The following CLEC18A variants were observed in gnomAD, a reference collection of about 807,000 sequenced individuals.
The protein encoded by CLEC18A is mannose receptor-like 1.
A neutral mutation model predicts 24.0 loss-of-function variants in CLEC18A; 5 were observed. The observed-to-expected ratio is 0.21, with a 90% CI of 0.11 to 0.44. The LOEUF (loss-of-function observed/expected upper bound fraction) is 0.44, where lower values mean the gene tolerates loss of function less well. CLEC18A is among the 20% of genes least tolerant of loss of function. CLEC18A has a pLI of 0.99. For synonymous variants in CLEC18A, 29 were observed against 100.1 expected (o/e 0.29, Z 4.24); for missense variants, 83 against 233.4 (o/e 0.36, Z 4.20).
chr16:69,944,492 G>T, the CLEC18A span, among the ~76,000 whole-genome samples: 1 of 150,692 alleles, frequency 6.6e-6, no homozygotes, highest in Non-Finnish European at 1.5e-5. Flanking sequence ...TTGCACCTAT[G>T]AATAGCCACT....
the CLEC18A span, among the ~76,000 whole-genome samples, chr16:69,944,531 C>A: frequency 6.6e-6 from 1 of 151,800 alleles, no homozygotes; most frequent in Non-Finnish European, 1.5e-5. Flanking sequence ...CAGAGTGAGA[C>A]CCCTATCTAA....
upstream of CLEC18A, among the ~76,000 whole-genome samples, chr16:69,950,470 G>A (rs1310453740): frequency 8.9e-6 from 1 of 112,606 alleles, no homozygotes; most frequent in Non-Finnish European, 2.1e-5. Context: ...GTGGGATCAC[G>A]CCAGCCACGG....
chr16:69,954,383 G>C lies in CLEC18A; in HGVS notation c.266G>C (p.Cys89Ser). Reference protein sequence around the residue: ...AQLAQARAALCGTPTPSLASG... With the variant: ...AQLAQARAALSGTPTPSLASG... ...CTGGCTCAAGCCAGGGCAGCCCTCT[G>C]TGGAACCCCAACCCCGAGCCTGGCG... Residue 89 changes from cysteine (C) to serine (S), a missense_variant, in exon 3 of 12, where the codon TGT becomes TCT. Physicochemically the swap from Cys to Ser is moderately radical, Grantham distance 112. Around this residue, in one of 3 missense-constraint regions of CLEC18A, gnomAD observed 71 missense variants for 107.4 expected, o/e 0.66. Coordinates refer to ENST00000288040, the MANE Select transcript of CLEC18A (RefSeq NM_001370523.4). 1.2e-6 allele frequency: 2 copies of C among 1,609,346 alleles called. No homozygotes were observed. Among genetic ancestry groups the C allele is most frequent in the Non-Finnish European group, 1.7e-6 (2 of 1,178,456 alleles).
At chr16:69,946,392 ATT>A (rs56112480), upstream of CLEC18A, among the ~76,000 whole-genome samples, 3 of 84,062 alleles carry the variant, frequency 3.6e-5, no homozygotes, top group African/African-American at 8.0e-5. Flanking sequence ...ATGTGTATGG[ATT>A]TTTTTTTTTT....
chr16:69,944,613 G>A, the CLEC18A span, among the ~76,000 whole-genome samples: 1 of 151,974 alleles, frequency 6.6e-6, no homozygotes, highest in Admixed American at 6.6e-5. Context: ...GCCAAGGCAG[G>A]TGGATCACAA....
chr16:69,944,372 A>C, the CLEC18A span, among the ~76,000 whole-genome samples: 1 of 152,028 alleles, frequency 6.6e-6, no homozygotes, highest in Non-Finnish European at 1.5e-5. Context: ...CCAGCTTTTG[A>C]AACTGAAGTG....
the CLEC18A span, among the ~76,000 whole-genome samples, chr16:69,944,381 T>C: frequency 6.6e-6 from 1 of 152,008 alleles, no homozygotes; most frequent in African/African-American, 2.4e-5. Context: ...GAAACTGAAG[T>C]GTAGCAGAGT....
chr16:69,958,793 T>C (rs1269886429), intron 3 of CLEC18A, 149 bp from the exon 4 acceptor site: 58 of 313,690 alleles, frequency 1.8e-4, no homozygotes, highest in Non-Finnish European at 2.6e-4. Context: ...TTCCCACCCA[T>C]GCTTCTACCC....
downstream of CLEC18A, among the ~76,000 whole-genome samples, chr16:69,965,644 G>A (rs1181908975): frequency 4.1e-5 from 6 of 147,800 alleles, no homozygotes; most frequent in African/African-American, 7.6e-5. Flanking sequence ...GGGACGACCT[G>A]CTCCCGAGGG....
chr16:69,966,233 A>G (rs879112526), downstream of CLEC18A, among the ~76,000 whole-genome samples: 212 of 150,214 alleles, frequency 1.4e-3, no homozygotes, highest in African/African-American at 3.5e-3. Context: ...AGGGCAGTGG[A>G]CATTGGATCT....
At chr16:69,958,763 AAAT>A (rs2059062229) in intron 3 of CLEC18A, among the ~76,000 whole-genome samples, 176 bp from the exon 4 acceptor site, 3 of 131,806 alleles carry the variant, frequency 2.3e-5, no homozygotes, top group South Asian at 2.6e-4. Flanking sequence ...ATAAATAAAT[AAAT>A]AAGCCTTCCT....
chr16:69,945,685 G>C, the CLEC18A span, among the ~76,000 whole-genome samples: 1 of 152,280 alleles, frequency 6.6e-6, no homozygotes, highest in Non-Finnish European at 1.5e-5. Flanking sequence ...AAATCTTTTG[G>C]AAGTTTGATG....
At chr16:69,953,106 T>A (rs1490150216) in intron 2 of CLEC18A, 2 of 151,932 alleles carry the variant, frequency 1.3e-5, no homozygotes, top group African/African-American at 4.9e-5. Context: ...TTTGTCAAAG[T>A]CCTAGAAAAC....
chr16:69,945,387 T>C, the CLEC18A span, among the ~76,000 whole-genome samples: 1 of 152,250 alleles, frequency 6.6e-6, no homozygotes, highest in Non-Finnish European at 1.5e-5. Context: ...TAGATGTGAT[T>C]ACTAGAAGTT....
intron 3 of CLEC18A, among the ~76,000 whole-genome samples, chr16:69,955,510 C>G (rs2059022570): frequency 6.6e-6 from 1 of 151,126 alleles, no homozygotes. Flanking sequence ...GCCACCACAC[C>G]CCACTAATTT....
intron 3 of CLEC18A, among the ~76,000 whole-genome samples, chr16:69,955,979 C>A (rs1397212958): frequency 2.6e-5 from 4 of 152,006 alleles, no homozygotes; most frequent in African/African-American, 9.7e-5. Context: ...GGTGCGGTGG[C>A]TCACGCCCGT....
At chr16:69,965,028 C>T, downstream of CLEC18A, among the ~76,000 whole-genome samples, 1 of 151,712 alleles carries the variant, frequency 6.6e-6, no homozygotes, top group Non-Finnish European at 1.5e-5. Flanking sequence ...TCTCGAACTC[C>T]CGTGCTCAAG....
upstream of CLEC18A, among the ~76,000 whole-genome samples, chr16:69,946,191 G>T (rs58143854): frequency 0.74 from 66,117 of 88,924 alleles, 25,921 homozygotes; most frequent in East Asian, 0.95. Context: ...GGAGAATCAC[G>T]TGAACCCAGG....
chr16:69,965,364 G>A (rs868405060), downstream of CLEC18A, among the ~76,000 whole-genome samples: 316 of 148,608 alleles, frequency 2.1e-3, 1 homozygote, highest in African/African-American at 7.8e-3. Flanking sequence ...GGGTCAGCCA[G>A]CAGCCGCGCC....
Sources: gnomAD v4.1 joint callset for allele counts (sites outside exome capture counted in the v4.1 genomes callset) on GRCh38, gnomAD v4.1.1 for gene constraint, gnomAD v4.1.1 regional missense constraint, MANE v1.5 for transcripts, NCBI Gene and HGNC (gene_info 2026-07-23, HGNC 2026-07-21) for gene names.